The following PDE3A variants were observed in gnomAD, a reference collection of about 807,000 sequenced individuals.
PDE3A encodes the protein cGMP-inhibited 3',5'-cyclic phosphodiesterase 3A.
Under a neutral mutation model 98.3 loss-of-function variants are expected in PDE3A, and 43 were observed. The ratio of observed to expected loss-of-function variants is 0.44; its 90% confidence interval spans 0.34 to 0.56. The LOEUF (loss-of-function observed/expected upper bound fraction) is 0.56, where lower values mean the gene tolerates loss of function less well. PDE3A is among the 20% of genes least tolerant of loss of function. PDE3A has a pLI of 0.01. For missense variants in PDE3A, 1,427 were observed against 1,440.7 expected (o/e 0.99, Z 0.15); for synonymous variants, 663 against 567.9 (o/e 1.17, Z -2.38).
intron 1 of PDE3A, among the ~76,000 whole-genome samples, chr12:20,542,669 A>C (rs957187281): frequency 3.3e-5 from 5 of 151,990 alleles, no homozygotes; most frequent in Non-Finnish European, 7.4e-5. Context: ...AAATGCAAGA[A>C]CTCATAAATA....
intron 1 of PDE3A, among the ~76,000 whole-genome samples, chr12:20,410,207 T>C (rs190683785): frequency 1.3e-5 from 2 of 152,344 alleles, no homozygotes; most frequent in Admixed American, 1.3e-4. Flanking sequence ...GCTATCCTTT[T>C]TTGTAGCCAT....
At chr12:20,424,973 C>T (rs988767102) in intron 1 of PDE3A, among the ~76,000 whole-genome samples, 2 of 152,168 alleles carry the variant, frequency 1.3e-5, no homozygotes, top group Non-Finnish European at 2.9e-5. Flanking sequence ...TAATGAGATG[C>T]TCTTAGTTTT....
chr12:20,496,579 C>G (rs79761149), intron 1 of PDE3A, among the ~76,000 whole-genome samples: 1 of 151,038 alleles, frequency 6.6e-6, no homozygotes, highest in Admixed American at 6.6e-5. Context: ...GGGCCAAATT[C>G]TTTTGGGATC....
chr12:20,657,460 C>G (rs1015067289), intron 15 of PDE3A, among the ~76,000 whole-genome samples: 8 of 152,094 alleles, frequency 5.3e-5, no homozygotes, highest in African/African-American at 1.9e-4. Context: ...GTTTGTAAAA[C>G]TTGGAGATGT....
At chr12:20,415,571 G>T (rs1944409153) in intron 1 of PDE3A, among the ~76,000 whole-genome samples, 1 of 151,956 alleles carries the variant, frequency 6.6e-6, no homozygotes, top group African/African-American at 2.4e-5. Flanking sequence ...CCAAGTAGCT[G>T]GGCTTATAGG....
At chr12:20,637,755 T>C (rs896286403) in intron 9 of PDE3A, among the ~76,000 whole-genome samples, 11 of 152,146 alleles carry the variant, frequency 7.2e-5, no homozygotes, top group African/African-American at 2.4e-4. Flanking sequence ...TAACCAGCCT[T>C]TGAGTATTGT....
intron 15 of PDE3A, among the ~76,000 whole-genome samples, chr12:20,654,734 G>C (rs910578637): frequency 5.7e-5 from 8 of 140,582 alleles, no homozygotes; most frequent in African/African-American, 2.1e-4. Flanking sequence ...GGATGGTCTC[G>C]ATCTCCTGAC....
intron 15 of PDE3A, among the ~76,000 whole-genome samples, chr12:20,677,073 A>C (rs1945659668): frequency 6.6e-6 from 1 of 152,180 alleles, no homozygotes; most frequent in African/African-American, 2.4e-5. Flanking sequence ...GGTTATGTCA[A>C]AAGACCTGTC....
At chr12:20,541,087 T>C (rs1478540139) in intron 1 of PDE3A, among the ~76,000 whole-genome samples, 2 of 70,218 alleles carry the variant, frequency 2.8e-5, no homozygotes, top group African/African-American at 1.8e-4. Context: ...TTTTTTTTTT[T>C]TTTTTTTTTT....
chr12:20,469,812 A>G (rs1477688155), intron 1 of PDE3A, among the ~76,000 whole-genome samples: 4 of 152,228 alleles, frequency 2.6e-5, no homozygotes. Context: ...GGAAATGAAA[A>G]CAGTAAATTA....
At chr12:20,528,543 T>C (rs1302598001) in intron 1 of PDE3A, among the ~76,000 whole-genome samples, 2 of 152,202 alleles carry the variant, frequency 1.3e-5, no homozygotes, top group African/African-American at 4.8e-5. Context: ...CTTGATTATG[T>C]TTATAATGTT....
intron 2 of PDE3A, among the ~76,000 whole-genome samples, chr12:20,598,720 A>C (rs946015443): frequency 6.6e-6 from 1 of 152,218 alleles, no homozygotes; most frequent in African/African-American, 2.4e-5. Flanking sequence ...AAATTGAAAG[A>C]ATACTGTAGA....
chr12:20,488,879 CAAAAAAAA>C (rs5796863), intron 1 of PDE3A, among the ~76,000 whole-genome samples: 2 of 118,992 alleles, frequency 1.7e-5, no homozygotes. Context: ...TCCCTGTCTC[CAAAAAAAA>C]AAAAAAAAGA....
At chr12:20,444,914 T>C (rs1338708178) in intron 1 of PDE3A, among the ~76,000 whole-genome samples, 1 of 152,216 alleles carries the variant, frequency 6.6e-6, no homozygotes, top group African/African-American at 2.4e-5. Flanking sequence ...TAAATCAGTT[T>C]GTGTTCCATT....
rs58496505 is a variant in PDE3A at position 20,687,914 on chromosome 12, G to GAAAAAAAAAAAAAAAAAAAAAA, written c.*7645_*7666dup. ...GACCAGTCATTACCTCTTCCCAACA[G>GAAAAAAAAAAAAAAAAAAAAAA]AAAAAAAAAAAAAAAAAAAAAAACT... On this transcript the variant is annotated 3_prime_UTR_variant, in exon 16 of 16. Coordinates refer to ENST00000359062, the MANE Select transcript of PDE3A (RefSeq NM_000921.5). Among the ~76,000 whole-genome samples the GAAAAAAAAAAAAAAAAAAAAAA allele has an allele frequency of 5.3e-5, 5 of 94,262 alleles. No individual in the cohort carries two copies. The highest frequency in any genetic ancestry group is 2.1e-4 in the African/African-American group (5 of 23,400). 61.8% of individuals were successfully genotyped at this position (94,262 alleles called of 152,430 possible).
chr12:20,523,374 T>C (rs1412460360), intron 1 of PDE3A, among the ~76,000 whole-genome samples: 1 of 152,202 alleles, frequency 6.6e-6, no homozygotes, highest in Non-Finnish European at 1.5e-5. Context: ...GCAGAGAGCA[T>C]ACACAATTCT....
Position 20,562,473 on chromosome 12 carries a change from C to T in PDE3A, c.1011+5763C>T, listed in dbSNP as rs112982517. ...GACCTCGTGATCCGCCTGCCTCGGCCTCCCAAAGTACTGGGATTACAGGTG... is the reference window on the plus strand; with the variant it reads ...GACCTCGTGATCCGCCTGCCTCGGCTTCCCAAAGTACTGGGATTACAGGTG... On this transcript the variant is annotated intron_variant, in intron 2 of 15. Coordinates refer to ENST00000359062, the MANE Select transcript of PDE3A (RefSeq NM_000921.5). Among the ~76,000 whole-genome samples the T allele has an allele frequency of 6.6e-5, 10 of 151,902 alleles. 1 individual carries two copies. The highest frequency in any genetic ancestry group is 2.4e-4 in the African/African-American group (10 of 41,462).
At chr12:20,661,867 G>A (rs1420911027) in intron 15 of PDE3A, among the ~76,000 whole-genome samples, 1 of 152,182 alleles carries the variant, frequency 6.6e-6, no homozygotes, top group African/African-American at 2.4e-5. Flanking sequence ...ACCACACAGA[G>A]TTACTACTGG....
At chr12:20,672,969 C>T (rs1361433099) in intron 15 of PDE3A, among the ~76,000 whole-genome samples, 2 of 150,670 alleles carry the variant, frequency 1.3e-5, no homozygotes, top group African/African-American at 4.9e-5. Context: ...GGGCTAATAT[C>T]CAGAATCTAC....
Sources: gnomAD v4.1 joint callset for allele counts (sites outside exome capture counted in the v4.1 genomes callset) on GRCh38, gnomAD v4.1.1 for gene constraint, MANE v1.5 for transcripts, NCBI Gene and HGNC (gene_info 2026-07-23, HGNC 2026-07-21) for gene names.